MTFR1L: variants seen among roughly 807,000 people sequenced by gnomAD.
MTFR1L encodes the protein mitochondrial fission regulator 1-like.
In MTFR1L, 10 loss-of-function variants were observed where a neutral mutation model predicts 27.9. The observed-to-expected ratio is 0.36, with a 90% CI of 0.22 to 0.61. The LOEUF (loss-of-function observed/expected upper bound fraction) is 0.61, where lower values mean the gene tolerates loss of function less well. Among genes scored for constraint, MTFR1L ranks in the 20% least tolerant of loss-of-function variants. The pLI, the probability that MTFR1L is intolerant of heterozygous loss-of-function variation, is 0.73. For synonymous variants in MTFR1L, 151 were observed against 139.4 expected (o/e 1.08, Z -0.58); for missense variants, 315 against 363.7 (o/e 0.87, Z 1.09).
At chr1:25,823,617 G>A in intron 2 of MTFR1L, 27 bp from the exon 3 acceptor site, 6 of 1,610,942 alleles carry the variant, frequency 3.7e-6, no homozygotes, top group Non-Finnish European at 4.2e-6. Flanking sequence ...CTCTGGGGTT[G>A]TAGCTGTCTC....
At position 25,826,517 on chromosome 1, in the gene MTFR1L, A is replaced by C; in HGVS notation, c.240-98A>C. ...GAACTGTGGGCTCAGAGAGGAGCAG[A>C]ACCTTACTATACTACTCTCACAGAA... On this transcript the variant is annotated intron_variant, in intron 4 of 6. Transcript: ENST00000374303. The surrounding 1 kb of genome is among the most constrained non-coding windows in gnomAD (Gnocchi z 4.1). 7 of 1,576,022 alleles carry C rather than the reference A, an allele frequency of 4.4e-6. No homozygotes were observed. The highest frequency in any genetic ancestry group is 6.1e-6 in the Non-Finnish European group (7 of 1,146,806).
At chr1:25,831,241 A>G (rs2048236087) in intron 6 of MTFR1L, among the ~76,000 whole-genome samples, 1 of 152,200 alleles carries the variant, frequency 6.6e-6, no homozygotes, top group Non-Finnish European at 1.5e-5. Context: ...AATCACCAGT[A>G]AAACACCTTC....
chr1:25,828,447 G>A (rs989420223), intron 5 of MTFR1L, among the ~76,000 whole-genome samples: 14 of 152,246 alleles, frequency 9.2e-5, no homozygotes, highest in Middle Eastern at 3.4e-3. Flanking sequence ...GCTGGGCATC[G>A]CAGCATGTGC....
rs1165012497 is a variant in MTFR1L, at chr1:25,826,404, C to T, written c.232C>T (p.Arg78Trp). The T allele has an allele frequency of 7.4e-6, 12 of 1,614,064 alleles. No individual in the cohort carries two copies. Among genetic ancestry groups the T allele is most frequent in the East Asian group, 2.2e-5 (1 of 44,876 alleles). The change falls in exon 4 of 7, where the codon CGG becomes TGG. Residue 78 changes from arginine (R) to tryptophan (W), a missense_variant. Arg to Trp is a moderately radical substitution (Grantham distance 101). Transcript: ENST00000374303. This position sits in a 1 kb window ranked among gnomAD's most constrained non-coding sequence, Gnocchi z 4.1. Reference sequence around the variant, plus strand: ...TGCGGATGAAGAGGAGACATATGCCCGGGTCAGGTAGTTGAGGCAGTAGCT... The same window carrying T: ...TGCGGATGAAGAGGAGACATATGCCTGGGTCAGGTAGTTGAGGCAGTAGCT... The part of the protein sequence containing the change: ...IAADEEETYA[R>W]VRSDTRPLRH...
chr1:25,829,657 T>C lies in MTFR1L; in HGVS notation c.600T>C (p.Leu200=), dbSNP rs1192071074. The C allele has an allele frequency of 6.2e-7, 1 of 1,614,244 alleles. No individual in the cohort carries two copies. The highest frequency in any genetic ancestry group is 1.3e-5 in the African/African-American group (1 of 75,062). ...TEETEVEVPE[L]PSVPLLCSAS... Reference sequence around the variant, plus strand: ...AGACAGAGGTGGAGGTCCCTGAGCTTCCATCAGTCCCCCTGCTTTGTTCTG... The same window carrying C: ...AGACAGAGGTGGAGGTCCCTGAGCTCCCATCAGTCCCCCTGCTTTGTTCTG... The change falls in exon 6 of 7, where the codon CTT becomes CTC. Residue 200 remains leucine, a synonymous_variant. Coordinates refer to ENST00000374303, the MANE Select transcript of MTFR1L (RefSeq NM_001099625.2).
chr1:25,823,828 G>C, intron 3 of MTFR1L, 80 bp downstream of exon 3: 1 of 1,511,542 alleles, frequency 6.6e-7, no homozygotes, highest in Non-Finnish European at 8.9e-7. Flanking sequence ...TACTGCCCAA[G>C]TAGGTTGTTT....
In MTFR1L at chr1:25,829,835, G is replaced by A. The variant is rs772065817; in HGVS notation, c.773+5G>A. 13 of 1,591,376 alleles carry A rather than the reference G, an allele frequency of 8.2e-6. No individual in the cohort carries two copies. Among genetic ancestry groups the A allele is most frequent in the Non-Finnish European group, 1.1e-5 (13 of 1,173,336 alleles). On this transcript the variant is annotated splice_donor_5th_base_variant and intron_variant, in intron 6 of 6. Coordinates refer to ENST00000374303, the MANE Select transcript of MTFR1L (RefSeq NM_001099625.2). ...AATGAAACAGAGTCAAGATCTGTAA[G>A]TATCTGATGAGGAGCTCTGGTATCT...
At chr1:25,823,558 T>G in intron 2 of MTFR1L, 86 bp from the exon 3 acceptor site, 1 of 1,547,612 alleles carries the variant, frequency 6.5e-7, no homozygotes, top group South Asian at 1.2e-5. Context: ...TGGAATTCAG[T>G]CTCCACAAAC....
chr1:25,827,757 A>C (rs1389543376), intron 5 of MTFR1L, among the ~76,000 whole-genome samples: 2 of 149,950 alleles, frequency 1.3e-5, no homozygotes, highest in African/African-American at 4.9e-5. Flanking sequence ...CAAGAGTCTC[A>C]TTCTGTCACC....
Position 25,826,780 on chromosome 1 carries a change from G to A in MTFR1L, c.405G>A (p.Leu135=), listed in dbSNP as rs537929970. 1.9e-6 allele frequency: 3 copies of A among 1,614,116 alleles called. No homozygotes were observed. Among genetic ancestry groups the A allele is most frequent in the South Asian group, 1.1e-5 (1 of 91,086 alleles). Reference sequence around the variant, plus strand: ...GCACTACTGAGCTGCAGGACGAGCTGAGCCACTTGCGCAGCCAGATTGCAA... The same window carrying A: ...GCACTACTGAGCTGCAGGACGAGCTAAGCCACTTGCGCAGCCAGATTGCAA... ...LSRTTELQDE[L]SHLRSQIAKI... Residue 135 remains leucine (L), a synonymous_variant, in exon 5 of 7, where the codon CTG becomes CTA. Coordinates refer to ENST00000374303, the MANE Select transcript of MTFR1L (RefSeq NM_001099625.2). This position sits in a 1 kb window ranked among gnomAD's most constrained non-coding sequence, Gnocchi z 4.1.
At chr1:25,822,482 C>T (rs1339546895) in intron 1 of MTFR1L, 1 of 141,886 alleles carries the variant, frequency 7.0e-6, no homozygotes, top group Non-Finnish European at 1.5e-5. Context: ...ACCTGAGAGC[C>T]CAGGAAGGCT....
In MTFR1L at chr1:25,832,256, G is replaced by T; in HGVS notation, c.*230G>T. On this transcript the variant is annotated 3_prime_UTR_variant, in exon 7 of 7. Coordinates refer to ENST00000374303, the MANE Select transcript of MTFR1L (RefSeq NM_001099625.2). Reference sequence around the variant, plus strand: ...CCTGAGACATTTGTTTCAGGTAATCGTGTAGAATGAAGTATCTTAGTTTAA... The same window carrying T: ...CCTGAGACATTTGTTTCAGGTAATCTTGTAGAATGAAGTATCTTAGTTTAA... The T allele has an allele frequency of 2.3e-6, 3 of 1,286,056 alleles. No homozygotes were observed. The highest frequency in any genetic ancestry group is 1.5e-5 in the African/African-American group (1 of 67,538). 79.7% of individuals were successfully genotyped at this position (1,286,056 alleles called of 1,614,324 possible).
chr1:25,822,819 C>T, intron 1 of MTFR1L, 200 bp from the exon 2 acceptor site: 1 of 604,080 alleles, frequency 1.7e-6, no homozygotes, highest in South Asian at 2.0e-5. Flanking sequence ...AGCCACTGCG[C>T]CTGGCCGCAG....
At chr1:25,822,971 C>CCA in intron 1 of MTFR1L, 48 bp from the exon 2 acceptor site, 1 of 1,527,706 alleles carries the variant, frequency 6.5e-7, no homozygotes, top group Non-Finnish European at 9.1e-7. Flanking sequence ...CATTAAATCC[C>CCA]CACTGTGGGG....
rs771693236 is a variant in MTFR1L, at chr1:25,826,590, A to G, written c.240-25A>G. 2 of 1,613,746 alleles carry G rather than the reference A, an allele frequency of 1.2e-6. No homozygotes were observed. Among genetic ancestry groups the G allele is most frequent in the Non-Finnish European group, 1.7e-6 (2 of 1,179,772 alleles). ...CACAGTGGCCTGCTGTCTCTAACTG[A>G]TCTACTTGGTTTTCCCTGGTCCAGG... On this transcript the variant is annotated intron_variant, in intron 4 of 6. Coordinates refer to ENST00000374303, the MANE Select transcript of MTFR1L (RefSeq NM_001099625.2). This position sits in a 1 kb window ranked among gnomAD's most constrained non-coding sequence, Gnocchi z 4.1.
In MTFR1L at chr1:25,823,676, G is replaced by A. The variant is rs1212883726; in HGVS notation, c.57G>A (p.Gly19=). ...TIPIWQNKPH[G]AARSVVRRIG... ...CAATCTGGCAAAACAAGCCACATGG[G>A]GCTGCTCGAAGTGTAGTAAGAAGAA... The change falls in exon 3 of 7, where the codon GGG becomes GGA. Residue 19 remains glycine, a synonymous_variant. Coordinates refer to ENST00000374303, the MANE Select transcript of MTFR1L (RefSeq NM_001099625.2). 5 of 1,614,032 alleles carry A rather than the reference G, an allele frequency of 3.1e-6. No homozygotes were observed. Among genetic ancestry groups the A allele is most frequent in the Middle Eastern group, 1.6e-4 (1 of 6,062 alleles).
intron 2 of MTFR1L, chr1:25,823,425 C>G (rs1452651919): frequency 1.3e-6 from 1 of 760,254 alleles, no homozygotes; most frequent in African/African-American, 1.7e-5. Flanking sequence ...ACATTGACTG[C>G]CTTAGCAGCA....
rs758115298 is a variant in MTFR1L at position 25,832,163 on chromosome 1, AAG to A, written c.*141_*142del. On this transcript the variant is annotated 3_prime_UTR_variant, in exon 7 of 7. Coordinates refer to ENST00000374303, the MANE Select transcript of MTFR1L (RefSeq NM_001099625.2). ...GCTGACAAGCTAGAGCTTGGACTGA[AAG>A]AGAAGAGCTGGATTATATATTTCCC... 7 of 1,555,882 alleles carry A rather than the reference AAG, an allele frequency of 4.5e-6. No homozygotes were observed. In the South Asian group the frequency reaches 5.8e-5, roughly 13 times the overall value.
intron 6 of MTFR1L, among the ~76,000 whole-genome samples, chr1:25,830,465 G>C (rs888666265): frequency 6.6e-5 from 10 of 152,306 alleles, no homozygotes; most frequent in African/African-American, 2.4e-4. Flanking sequence ...GAGGGTCTTT[G>C]GGGAATACCT....
Sources: gnomAD v4.1 joint callset for allele counts (sites outside exome capture counted in the v4.1 genomes callset) on GRCh38, gnomAD v4.1.1 for gene constraint, Gnocchi (gnomAD v3.1) non-coding constraint, MANE v1.5 for transcripts, NCBI Gene and HGNC (gene_info 2026-07-23, HGNC 2026-07-21) for gene names.